ALK: variants seen among roughly 807,000 people sequenced by gnomAD.
The protein encoded by ALK is ALK tyrosine kinase receptor.
ALK carries 74 observed loss-of-function variants against 163.1 expected under a neutral mutation model. The ratio of observed to expected loss-of-function variants is 0.45; its 90% CI spans 0.38 to 0.55. The LOEUF (loss-of-function observed/expected upper bound fraction) is 0.55. Among genes scored for constraint, ALK ranks in the 20% least tolerant of loss-of-function variants. The probability of loss-of-function intolerance (pLI) is 0.00; values close to 1 mark genes in which losing one functional copy is unlikely to be tolerated. For synonymous variants in ALK, 960 were observed against 843.2 expected, an observed-to-expected ratio of 1.14 and a Z score of -2.40; for missense variants, 2,063 against 2,105.3, an observed-to-expected ratio of 0.98 and a Z score of 0.39.
chr2:29,570,381 C>A (rs977815774), intron 3 of ALK, among the ~76,000 whole-genome samples: 4 of 152,132 alleles, frequency 2.6e-5, no homozygotes, highest in African/African-American at 7.2e-5. Context: ...TTTTTAGGGC[C>A]TGTTTTCCAA....
chr2:29,408,532 T>C lies in ALK; in HGVS notation c.1155-24673A>G, dbSNP rs73923615. Reference sequence around the variant, plus strand: ...CAGTCACCCTGAACCAATCTGCGAATTGTTAACCTGAAGTCAGTGTTCAAT... The same window carrying C: ...CAGTCACCCTGAACCAATCTGCGAACTGTTAACCTGAAGTCAGTGTTCAAT... On this transcript the variant is annotated intron_variant, in intron 4 of 28. Coordinates refer to ENST00000389048, the MANE Select transcript of ALK (RefSeq NM_004304.5). Among the ~76,000 whole-genome samples the C allele has an allele frequency of 2.0e-3, 300 of 152,302 alleles. 2 individuals are homozygous for C. Among genetic ancestry groups the C allele is most frequent in the African/African-American group, 6.1e-3 (255 of 41,560 alleles).
chr2:29,462,730 C>G (rs3923028), intron 4 of ALK, among the ~76,000 whole-genome samples: 1 of 151,994 alleles, frequency 6.6e-6, no homozygotes, highest in Non-Finnish European at 1.5e-5. Flanking sequence ...CTGTACCATA[C>G]TGAGAAGAAA....
At chr2:29,307,137 C>G (rs12476532) in intron 8 of ALK, among the ~76,000 whole-genome samples, 3 of 152,250 alleles carry the variant, frequency 2.0e-5, no homozygotes, top group Admixed American at 2.0e-4. Context: ...CCCATGTTTG[C>G]TATGCATACC....
chr2:29,737,110 A>T (rs1679914063), intron 1 of ALK, among the ~76,000 whole-genome samples: 1 of 152,120 alleles, frequency 6.6e-6, no homozygotes, highest in Non-Finnish European at 1.5e-5. Flanking sequence ...TTGATGTAGA[A>T]GTATTTTTTA....
chr2:29,435,960 C>G (rs571083783), intron 4 of ALK, among the ~76,000 whole-genome samples: 1 of 152,082 alleles, frequency 6.6e-6, no homozygotes, highest in Middle Eastern at 3.2e-3. Flanking sequence ...ACTGTAAGCA[C>G]ATCTGGAGAA....
At chr2:29,403,997 A>G (rs896219246) in intron 4 of ALK, among the ~76,000 whole-genome samples, 25 of 152,018 alleles carry the variant, frequency 1.6e-4, no homozygotes, top group African/African-American at 6.0e-4. Context: ...ATCTAAAAAT[A>G]AAATTGTCTA....
intron 4 of ALK, among the ~76,000 whole-genome samples, chr2:29,503,849 CTG>C (rs1672248240): frequency 6.6e-6 from 1 of 151,964 alleles, no homozygotes; most frequent in African/African-American, 2.4e-5. Flanking sequence ...GTGTTTAGTG[CTG>C]TGTTACTGTG....
chr2:29,698,272 G>A (rs868650710), intron 2 of ALK, among the ~76,000 whole-genome samples: 1 of 152,152 alleles, frequency 6.6e-6, no homozygotes, highest in Non-Finnish European at 1.5e-5. Context: ...GAGAAAACTG[G>A]TCCAACATTT....
chr2:29,382,659 C>T (rs1668928802), intron 5 of ALK, among the ~76,000 whole-genome samples: 1 of 152,186 alleles, frequency 6.6e-6, no homozygotes, highest in Non-Finnish European at 1.5e-5. Context: ...TGTCCAGAGA[C>T]ATTCACAAAT....
At chr2:29,759,077 T>C (rs1000003712) in intron 1 of ALK, among the ~76,000 whole-genome samples, 6 of 152,198 alleles carry the variant, frequency 3.9e-5, no homozygotes, top group Non-Finnish European at 5.9e-5. Flanking sequence ...TTCCCATCTC[T>C]TTTCTGTGTG....
intron 1 of ALK, among the ~76,000 whole-genome samples, chr2:29,836,820 T>C (rs996519283): frequency 6.6e-6 from 1 of 152,214 alleles, no homozygotes; most frequent in Non-Finnish European, 1.5e-5. Context: ...AGCTCTTAGG[T>C]AATCCATGGT....
chr2:29,245,351 C>G (rs111467510), intron 12 of ALK, among the ~76,000 whole-genome samples: 1 of 106,932 alleles, frequency 9.4e-6, no homozygotes, highest in Non-Finnish European at 1.9e-5. Context: ...GCCCTGCACA[C>G]AGTAGGGGCT....
chr2:29,424,760 A>G (rs1037322084), intron 4 of ALK, among the ~76,000 whole-genome samples: 1 of 152,218 alleles, frequency 6.6e-6, no homozygotes, highest in African/African-American at 2.4e-5. Flanking sequence ...CATGGAGTTG[A>G]GAGAAAGACA....
chr2:29,735,109 C>T (rs1166289479), intron 1 of ALK, among the ~76,000 whole-genome samples: 1 of 151,002 alleles, frequency 6.6e-6, no homozygotes. Flanking sequence ...TCAAATGCCC[C>T]AGAGATTCTG....
chr2:29,524,802 TGATGGATG>T (rs375415256), intron 4 of ALK, among the ~76,000 whole-genome samples: 7 of 151,194 alleles, frequency 4.6e-5, no homozygotes, highest in African/African-American at 4.9e-5. Context: ...ATGAATGGAT[TGATGGATG>T]GATGGATGGA....
chr2:29,416,476 T>A (rs1194488705), intron 4 of ALK, among the ~76,000 whole-genome samples: 1 of 152,220 alleles, frequency 6.6e-6, no homozygotes, highest in African/African-American at 2.4e-5. Flanking sequence ...GCTTCAGGGA[T>A]CTAGTTCTGA....
chr2:29,865,584 G>T (rs1666413607), intron 1 of ALK, among the ~76,000 whole-genome samples: 3 of 152,146 alleles, frequency 2.0e-5, no homozygotes, highest in Non-Finnish European at 2.9e-5. Flanking sequence ...TGCCCCCAAA[G>T]TCTAGGGTGA....
At chr2:29,659,674 C>A (rs1225804109) in intron 3 of ALK, among the ~76,000 whole-genome samples, 1 of 152,126 alleles carries the variant, frequency 6.6e-6, no homozygotes, top group Non-Finnish European at 1.5e-5. Context: ...CCCATCTTTA[C>A]ATTTGCAACA....
intron 8 of ALK, among the ~76,000 whole-genome samples, chr2:29,310,461 G>A (rs1006121104): frequency 4.6e-5 from 7 of 152,320 alleles, no homozygotes; most frequent in Admixed American, 2.0e-4. Flanking sequence ...CTACTAGGGT[G>A]CAAAGAGCTA....
Sources: allele counts gnomAD v4.1 joint callset (sites outside exome capture counted in the v4.1 genomes callset), GRCh38; gene constraint gnomAD v4.1.1; transcripts MANE v1.5; gene names NCBI Gene and HGNC (gene_info 2026-07-23, HGNC 2026-07-21).